The following RAB38 variants were observed in gnomAD, a reference collection of about 807,000 sequenced individuals.
RAB38 encodes RAB38, member RAS oncogene family.
Under a neutral mutation model 18.4 loss-of-function variants are expected in RAB38, and 15 were observed. The ratio of observed to expected loss-of-function variants is 0.82; its 90% CI spans 0.55 to 1.26. The LOEUF (loss-of-function observed/expected upper bound fraction) is 1.26. Ranked by LOEUF, RAB38 falls within the 50% of genes most tolerant of loss-of-function variation. The pLI, the probability that RAB38 is intolerant of heterozygous loss-of-function variation, is 0.00. For missense variants in RAB38, 294 were observed against 267.4 expected, an observed-to-expected ratio of 1.10 and a Z score of -0.69; for synonymous variants, 101 against 104.4, an observed-to-expected ratio of 0.97 and a Z score of 0.20.
chr11:87,955,872 TGCACACACACACACAC>T, the RAB38 span, among the ~76,000 whole-genome samples: 1 of 44,276 alleles, frequency 2.3e-5, no homozygotes, highest in Non-Finnish European at 4.8e-5. Context: ...GCAAACAGTA[TGCACACACACACACAC>T]ACACACACAC....
chr11:87,871,687 A>G, the RAB38 span, among the ~76,000 whole-genome samples: 3 of 151,574 alleles, frequency 2.0e-5, no homozygotes, highest in Non-Finnish European at 4.4e-5. Context: ...CCTAGCTACT[A>G]CATTTTCCCT....
the RAB38 span, among the ~76,000 whole-genome samples, chr11:87,804,192 T>G: frequency 6.6e-6 from 1 of 152,204 alleles, no homozygotes; most frequent in African/African-American, 2.4e-5. Flanking sequence ...AGGAAAATAG[T>G]CTAATTGAGG....
chr11:88,163,760 ATATT>A (rs1241593159), intron 1 of RAB38, among the ~76,000 whole-genome samples: 2 of 152,126 alleles, frequency 1.3e-5, no homozygotes, highest in African/African-American at 4.8e-5. Flanking sequence ...TTCTGAATGT[ATATT>A]TAAATTTAAA....
At chr11:88,163,044 C>T (rs1355165535) in intron 1 of RAB38, among the ~76,000 whole-genome samples, 3 of 152,132 alleles carry the variant, frequency 2.0e-5, no homozygotes, top group Non-Finnish European at 4.4e-5. Flanking sequence ...TATATTCCCA[C>T]AGCACTGACT....
chr11:88,045,653 G>A, the RAB38 span, among the ~76,000 whole-genome samples: 14 of 152,182 alleles, frequency 9.2e-5, no homozygotes, highest in African/African-American at 3.4e-4. Flanking sequence ...TTGGCTTAGC[G>A]GCTGACGATC....
At chr11:87,829,999 TG>T in the RAB38 span, among the ~76,000 whole-genome samples, 1 of 152,206 alleles carries the variant, frequency 6.6e-6, no homozygotes, top group African/African-American at 2.4e-5. Context: ...TCCTGATTTC[TG>T]TCAATTGAAT....
chr11:87,867,375 A>G, the RAB38 span, among the ~76,000 whole-genome samples: 1 of 151,768 alleles, frequency 6.6e-6, no homozygotes, highest in Admixed American at 6.6e-5. Flanking sequence ...AAAAATTAAA[A>G]TGCCATAAAG....
At chr11:87,909,140 A>C in the RAB38 span, among the ~76,000 whole-genome samples, 8 of 152,024 alleles carry the variant, frequency 5.3e-5, no homozygotes, top group Non-Finnish European at 1.0e-4. Context: ...CCTGAAATGA[A>C]TCATTTTCTT....
At chr11:88,003,948 G>T in the RAB38 span, among the ~76,000 whole-genome samples, 19 of 116,026 alleles carry the variant, frequency 1.6e-4, no homozygotes, top group Admixed American at 1.0e-3. Flanking sequence ...TATATAGAGA[G>T]ATATATATAT....
chr11:87,958,339 A>T, the RAB38 span, among the ~76,000 whole-genome samples: 1 of 152,176 alleles, frequency 6.6e-6, no homozygotes, highest in South Asian at 2.1e-4. Flanking sequence ...TGATGGGTTT[A>T]TCTAGAGGTA....
chr11:87,874,821 A>G, the RAB38 span, among the ~76,000 whole-genome samples: 2 of 151,500 alleles, frequency 1.3e-5, no homozygotes, highest in Admixed American at 1.3e-4. Context: ...TGAGGAGAAA[A>G]GGGGGAACCC....
chr11:88,095,293 T>C, the RAB38 span, among the ~76,000 whole-genome samples: 3 of 152,012 alleles, frequency 2.0e-5, no homozygotes, highest in East Asian at 5.8e-4. Context: ...TATTTACACA[T>C]TTGTACCTCC....
At chr11:88,060,466 G>C in the RAB38 span, among the ~76,000 whole-genome samples, 1 of 152,146 alleles carries the variant, frequency 6.6e-6, no homozygotes, top group South Asian at 2.1e-4. Context: ...ATTTTATATA[G>C]AGAGGTTTAT....
the RAB38 span, among the ~76,000 whole-genome samples, chr11:87,825,156 A>T: frequency 6.6e-6 from 1 of 152,182 alleles, no homozygotes; most frequent in South Asian, 2.1e-4. Flanking sequence ...CTAGTCATTC[A>T]GTTAAATTAT....
chr11:88,036,557 A>C, the RAB38 span, among the ~76,000 whole-genome samples: 7 of 152,022 alleles, frequency 4.6e-5, no homozygotes, highest in Non-Finnish European at 8.8e-5. Context: ...TAAAGCTCAC[A>C]ATTTCTGTGC....
intron 1 of RAB38, among the ~76,000 whole-genome samples, chr11:88,151,155 T>C (rs2134829312): frequency 6.6e-6 from 1 of 152,344 alleles, no homozygotes; most frequent in African/African-American, 2.4e-5. Context: ...TCTAAGTTTA[T>C]TCTTCCTTAT....
the RAB38 span, among the ~76,000 whole-genome samples, chr11:87,963,526 T>C: frequency 1.6e-4 from 24 of 152,218 alleles, no homozygotes; most frequent in Non-Finnish European, 2.4e-4. Context: ...CTATGCAACA[T>C]TTTAACCACC....
the RAB38 span, among the ~76,000 whole-genome samples, chr11:88,027,487 A>C: frequency 6.6e-6 from 1 of 152,176 alleles, no homozygotes. Context: ...GGGGTGACAG[A>C]CGGCACCTGC....
chr11:87,880,580 G>A, the RAB38 span, among the ~76,000 whole-genome samples: 1 of 151,780 alleles, frequency 6.6e-6, no homozygotes, highest in Non-Finnish European at 1.5e-5. Context: ...ACTGTTTCCA[G>A]TTGAGGCAGT....
Sources: allele counts gnomAD v4.1 joint callset (sites outside exome capture counted in the v4.1 genomes callset), GRCh38; gene constraint gnomAD v4.1.1; transcripts MANE v1.5; gene names NCBI Gene and HGNC (gene_info 2026-07-23, HGNC 2026-07-21).